Variants in ST18 observed in about 807,000 individuals in gnomAD.
The protein encoded by ST18 is ST18 C2H2C-type zinc finger transcription factor, also known as suppression of tumorigenicity 18 protein.
Under a neutral mutation model 110.0 loss-of-function variants are expected in ST18, and 50 were observed. That is an observed-to-expected ratio of 0.45 (90% CI 0.36 to 0.58). The LOEUF is 0.58. Ranked by LOEUF, ST18 falls within the 20% of genes least tolerant of loss-of-function variation. The pLI, the probability that ST18 is intolerant of heterozygous loss-of-function variation, is 0.00. For missense variants in ST18, 1,306 were observed against 1,280.1 expected, an observed-to-expected ratio of 1.02 and a Z score of -0.31; for synonymous variants, 461 against 452.4, an observed-to-expected ratio of 1.02 and a Z score of -0.24.
At chr8:52,151,125 G>C (rs563501893) in intron 15 of ST18, among the ~76,000 whole-genome samples, 87 of 152,048 alleles carry the variant, frequency 5.7e-4, no homozygotes, top group Non-Finnish European at 1.0e-3. Context: ...TATTTAGCAA[G>C]ATCCTTAACT....
chr8:52,390,616 G>A (rs572807201), intron 2 of ST18, among the ~76,000 whole-genome samples: 39 of 152,282 alleles, frequency 2.6e-4, no homozygotes, highest in South Asian at 2.5e-3. Flanking sequence ...TTTGAGGGAC[G>A]GTGACCTGGC....
chr8:52,168,956 T>C (rs975133638), intron 10 of ST18, among the ~76,000 whole-genome samples: 2 of 152,154 alleles, frequency 1.3e-5, no homozygotes, highest in Non-Finnish European at 1.5e-5. Flanking sequence ...CCTTCCTCTC[T>C]TGGACCTTGC....
chr8:52,116,493 AT>A, intron 24 of ST18, 75 bp from the exon 25 acceptor site: 1 of 1,465,836 alleles, frequency 6.8e-7, no homozygotes, highest in Non-Finnish European at 9.3e-7. Context: ...CTGAAGGAAA[AT>A]GCACCAAGTG....
At chr8:52,329,298 A>T (rs563305599) in intron 2 of ST18, among the ~76,000 whole-genome samples, 144 of 147,578 alleles carry the variant, frequency 9.8e-4, no homozygotes, top group Non-Finnish European at 1.8e-3. Context: ...AAAAAAAAAA[A>T]GGCTGGCACT....
chr8:52,159,760 G>C (rs891155237), intron 14 of ST18, among the ~76,000 whole-genome samples: 4 of 152,132 alleles, frequency 2.6e-5, no homozygotes, highest in African/African-American at 9.7e-5. Context: ...ATGTTCTCAA[G>C]GTGAACAGAA....
chr8:52,173,561 G>A (rs978519498), intron 9 of ST18, among the ~76,000 whole-genome samples: 2 of 152,292 alleles, frequency 1.3e-5, no homozygotes, highest in East Asian at 1.9e-4. Context: ...GCCTACCCAA[G>A]CCTGTCCCAG....
chr8:52,166,897 G>A lies in ST18; in HGVS notation c.1159C>T (p.Arg387Cys), dbSNP rs764596167. 9.9e-6 allele frequency: 16 copies of A among 1,608,066 alleles called. No homozygotes were observed. The highest frequency in any genetic ancestry group is 1.2e-5 in the Non-Finnish European group (14 of 1,175,678). ...TTGTGGGGGCACCCCGAAAGGCTGC[G>A]GTGGTGCGGGTAGAGCCCTGTCACG... is the stretch of plus-strand genomic sequence containing the variant. ...GHVTGLYPHH[R>C]SLSGCPHKVR... The change falls in exon 11 of 26, where the codon CGC becomes TGC. Residue 387 changes from arginine (R) to cysteine (C), a missense_variant. Transcript: ENST00000689386.
intron 2 of ST18, among the ~76,000 whole-genome samples, chr8:52,398,901 T>C (rs1283453192): frequency 6.6e-6 from 1 of 152,066 alleles, no homozygotes; most frequent in African/African-American, 2.4e-5. Context: ...GTAGTTTTCT[T>C]TTTCTGTGGT....
chr8:52,285,674 G>A (rs1025272258), intron 2 of ST18, among the ~76,000 whole-genome samples: 1 of 152,240 alleles, frequency 6.6e-6, no homozygotes, highest in Non-Finnish European at 1.5e-5. Flanking sequence ...GACTCAGGCT[G>A]TGACCTGAAA....
At chr8:52,287,385 G>C (rs1227285368) in intron 2 of ST18, among the ~76,000 whole-genome samples, 1 of 152,124 alleles carries the variant, frequency 6.6e-6, no homozygotes, top group East Asian at 1.9e-4. Flanking sequence ...CATTCAAGAA[G>C]GTGATGTCTG....
chr8:52,128,786 A>G (rs2048080206), intron 22 of ST18, among the ~76,000 whole-genome samples: 1 of 152,184 alleles, frequency 6.6e-6, no homozygotes, highest in Admixed American at 6.5e-5. Flanking sequence ...AAGCAATTCC[A>G]TAACTTTCCT....
At chr8:52,214,070 C>T in intron 7 of ST18, 133 bp downstream of exon 7, 1 of 960,660 alleles carries the variant, frequency 1.0e-6, no homozygotes, top group Non-Finnish European at 1.6e-6. Context: ...AGCCAGTGTC[C>T]TGGCTTGATT....
chr8:52,132,308 C>T lies in ST18; in HGVS notation c.2445-129G>A, dbSNP rs540644477. On this transcript the variant is annotated intron_variant, in intron 21 of 25. Transcript: ENST00000689386. ...CACCATAACTAGCAAAACAGCATTG[C>T]ATAAACAGGCTCAGAGCTACGCGAT... The T allele has an allele frequency of 3.8e-5, 28 of 737,454 alleles. No homozygotes were observed. In the African/African-American group the frequency reaches 4.4e-4, roughly 12 times the overall value. The allele number at this position is 737,454 out of a possible 1,614,324, so 45.7% of individuals were successfully genotyped here.
intron 2 of ST18, among the ~76,000 whole-genome samples, chr8:52,243,234 T>G (rs2093583679): frequency 6.6e-6 from 1 of 152,206 alleles, no homozygotes; most frequent in Non-Finnish European, 1.5e-5. Flanking sequence ...TGTTTTAATT[T>G]TAAAAAGTTC....
chr8:52,291,461 G>T (rs1308065402), intron 2 of ST18, among the ~76,000 whole-genome samples: 1 of 152,176 alleles, frequency 6.6e-6, no homozygotes, highest in Admixed American at 6.5e-5. Flanking sequence ...TGACATTGTT[G>T]GGAATTGTTA....
intron 2 of ST18, among the ~76,000 whole-genome samples, chr8:52,267,483 TA>T (rs57769643): frequency 0.12 from 14,038 of 114,876 alleles, 768 homozygotes; most frequent in Middle Eastern, 0.19. Flanking sequence ...AGAGATAAGC[TA>T]AAAAAAAAAA....
intron 2 of ST18, among the ~76,000 whole-genome samples, chr8:52,354,319 A>T (rs1165652153): frequency 6.6e-6 from 1 of 152,214 alleles, no homozygotes; most frequent in Non-Finnish European, 1.5e-5. Context: ...ATGAGCCATG[A>T]TGGTTGCCTC....
chr8:52,269,986 T>A (rs1203627909), intron 2 of ST18, among the ~76,000 whole-genome samples: 1 of 151,322 alleles, frequency 6.6e-6, no homozygotes, highest in East Asian at 1.9e-4. Context: ...CTTGTGTTAA[T>A]CATGGCAAAA....
intron 2 of ST18, among the ~76,000 whole-genome samples, chr8:52,382,375 A>T (rs1834883867): frequency 6.6e-6 from 1 of 152,084 alleles, no homozygotes; most frequent in African/African-American, 2.4e-5. Flanking sequence ...CAGAAAAAAA[A>T]ATAAGAAGCA....
Sources: gnomAD v4.1 joint callset for allele counts (sites outside exome capture counted in the v4.1 genomes callset) on GRCh38, gnomAD v4.1.1 for gene constraint, MANE v1.5 for transcripts, NCBI Gene and HGNC (gene_info 2026-07-23, HGNC 2026-07-21) for gene names.